The following SCN3A variants were observed in gnomAD, a reference collection of about 807,000 sequenced individuals.
SCN3A encodes the protein sodium voltage-gated channel alpha subunit 3.
Under a neutral mutation model 187.6 loss-of-function variants are expected in SCN3A, and 60 were observed. The ratio of observed to expected loss-of-function variants is 0.32; its 90% CI spans 0.26 to 0.40. The LOEUF is 0.40. Ranked by LOEUF, SCN3A falls within the 10% of genes least tolerant of loss-of-function variation. The pLI is 1.00. For missense variants in SCN3A, 1,601 were observed against 2,428.2 expected (o/e 0.66, Z 7.16); for synonymous variants, 788 against 829.2 (o/e 0.95, Z 0.85).
At chr2:165,167,841 A>G (rs1453715350) in intron 5 of SCN3A, among the ~76,000 whole-genome samples, 4 of 152,142 alleles carry the variant, frequency 2.6e-5, no homozygotes, top group African/African-American at 9.7e-5. Flanking sequence ...CACAACATCC[A>G]CAGAAGTGTT....
intron 13 of SCN3A, 159 bp from the exon 14 acceptor site, chr2:165,139,767 T>TAGA (rs1469623995): frequency 4.4e-6 from 4 of 901,590 alleles, no homozygotes; most frequent in Non-Finnish European, 6.7e-6. Context: ...ACAGTTTTTT[T>TAGA]TTTAAAAAAA....
rs1414797037 is a variant in SCN3A at position 165,131,345 on chromosome 2, C to G, written c.2464G>C (p.Glu822Gln). Reference sequence around the variant, plus strand: ...ATTCCATCAAAGATATTCCAGCCTTCTTGGAAATAGTAATAAGGATCCATG... The same window carrying G: ...ATTCCATCAAAGATATTCCAGCCTTGTTGGAAATAGTAATAAGGATCCATG... ...IAMDPYYYFQ[E>Q]GWNIFDGIIV... Residue 822 changes from glutamate (E) to glutamine (Q), a missense_variant, in exon 16 of 28, where the codon GAA becomes CAA. By Grantham distance (29) the Glu-to-Gln change is conservative. Coordinates refer to ENST00000283254, the MANE Select transcript of SCN3A (RefSeq NM_006922.4). 1 of 1,608,106 alleles carries G rather than the reference C, an allele frequency of 6.2e-7. No individual in the cohort carries two copies. Among genetic ancestry groups the G allele is most frequent in the Non-Finnish European group, 8.5e-7 (1 of 1,176,436 alleles).
chr2:165,190,285 G>A (rs896582055), intron 1 of SCN3A, among the ~76,000 whole-genome samples: 4 of 152,192 alleles, frequency 2.6e-5, no homozygotes, highest in Non-Finnish European at 5.9e-5. Context: ...GATCACCTTC[G>A]TGGTGGTTCA....
At position 165,090,561 on chromosome 2, in the gene SCN3A, AC is replaced by A; in HGVS notation, c.5591del (p.Ser1864MetfsTer32). On this transcript the variant is annotated frameshift_variant, in exon 28 of 28. Coordinates refer to ENST00000283254, the MANE Select transcript of SCN3A (RefSeq NM_006922.4). LOFTEE classifies it high-confidence loss of function. The surrounding 1 kb of genome is among the most constrained non-coding windows in gnomAD (Gnocchi z 4.0). ...FAFTKRVLGESGEMDALRIQM... is the reference protein window; with the variant it reads ...FAFTKRVLGEXGEMDALRIQM... ...GTATTCGAAGGGCATCCATCTCTCCACTCTCACCCAAAACACGCTTTGTAAA... is the reference window on the plus strand; with the variant it reads ...GTATTCGAAGGGCATCCATCTCTCCATCTCACCCAAAACACGCTTTGTAAA... 1 of 1,613,858 alleles carries A rather than the reference AC, an allele frequency of 6.2e-7. No homozygotes were observed. The highest frequency in any genetic ancestry group is 8.5e-7 in the Non-Finnish European group (1 of 1,179,956).
At chr2:165,127,496 T>C in intron 18 of SCN3A, 135 bp downstream of exon 18, 1 of 723,246 alleles carries the variant, frequency 1.4e-6, no homozygotes, top group East Asian at 2.7e-5. Flanking sequence ...ATCTTGTGAT[T>C]TTCCAACATC....
At position 165,193,994 on chromosome 2, in the gene SCN3A, G is replaced by A. The variant is rs1435352407; in HGVS notation, c.-247-7247C>T. Among the ~76,000 whole-genome samples, 3 of 152,108 alleles carry A rather than the reference G, an allele frequency of 2.0e-5. No homozygotes were observed. The East Asian group carries it at 5.8e-4, about 29-fold the overall frequency. Reference sequence around the variant, plus strand: ...CCTTCCCCACTAAGCAGGCCCCTTAGATACACAGTTATAATGTTACACAGT... The same window carrying A: ...CCTTCCCCACTAAGCAGGCCCCTTAAATACACAGTTATAATGTTACACAGT... On this transcript the variant is annotated intron_variant, in intron 1 of 27. Coordinates refer to ENST00000283254, the MANE Select transcript of SCN3A (RefSeq NM_006922.4).
rs34824100 is a variant in SCN3A, at chr2:165,092,894, T to TA, written c.4537-371dup. ...CAACATAGTGAGACCTCATTTCTAT[T>TA]AAAAAAAAATTAGCCTGGTATGGTG... On this transcript the variant is annotated intron_variant, in intron 26 of 27. Transcript: ENST00000283254. The surrounding 1 kb of genome is among the most constrained non-coding windows in gnomAD (Gnocchi z 4.2). 119,099 of 183,006 alleles carry TA rather than the reference T, an allele frequency of 0.65. 39,598 individuals are homozygous for TA. Among genetic ancestry groups the TA allele is most frequent in the African/African-American group, 0.81 (33,495 of 41,208 alleles). The allele number at this position is 183,006 out of a possible 1,614,324, so 11.3% of individuals were successfully genotyped here. A position where few individuals can be genotyped will look rare whatever the true frequency, so the allele number is the denominator to read the frequency against.
chr2:165,120,166 G>A (rs1281538958), intron 18 of SCN3A, among the ~76,000 whole-genome samples: 1 of 152,028 alleles, frequency 6.6e-6, no homozygotes, highest in Non-Finnish European at 1.5e-5. Flanking sequence ...CAGAAGCCCG[G>A]CGCAATGCTG....
At chr2:165,134,055 ATTAAGG>A (rs1206498936) in intron 15 of SCN3A, among the ~76,000 whole-genome samples, 2 of 152,192 alleles carry the variant, frequency 1.3e-5, no homozygotes, top group Non-Finnish European at 2.9e-5. Flanking sequence ...ATGCCTCAGA[ATTAAGG>A]TTAATGGATT....
intron 9 of SCN3A, among the ~76,000 whole-genome samples, chr2:165,156,567 AACAG>A (rs1162662483): frequency 4.7e-5 from 7 of 149,574 alleles, no homozygotes; most frequent in South Asian, 2.1e-4. Flanking sequence ...AAAGCCAGAA[AACAG>A]ACAAAGAGTG....
At chr2:165,104,630 T>C (rs560086590) in intron 21 of SCN3A, among the ~76,000 whole-genome samples, 1 of 149,726 alleles carries the variant, frequency 6.7e-6, no homozygotes, top group East Asian at 1.9e-4. Context: ...AGAAAAAAAA[T>C]TCTGATAAAT....
At chr2:165,156,512 CAAAAAAAAAAAAAAAAAAAAAAAAAAAA>C (rs558407270) in intron 9 of SCN3A, among the ~76,000 whole-genome samples, 4 of 63,706 alleles carry the variant, frequency 6.3e-5, no homozygotes, top group South Asian at 7.9e-4. Context: ...GACTCTGACT[CAAAAAAAAAAAAAAAAAAAAAAAAAAAA>C]AAAAAAAAAA....
chr2:165,191,189 T>C (rs1449812649), intron 1 of SCN3A, among the ~76,000 whole-genome samples: 2 of 151,892 alleles, frequency 1.3e-5, no homozygotes, highest in African/African-American at 4.8e-5. Flanking sequence ...TGCCCTATGG[T>C]GTAATTTCGC....
intron 15 of SCN3A, 87 bp downstream of exon 15, chr2:165,137,792 G>T: frequency 9.7e-7 from 1 of 1,034,820 alleles, no homozygotes; most frequent in Non-Finnish European, 1.5e-6. Flanking sequence ...TAATTTTTGG[G>T]TTCAACACAG....
chr2:165,112,899 A>T lies in SCN3A; in HGVS notation c.3829T>A (p.Phe1277Ile). 6.2e-7 allele frequency: 1 copy of T among 1,613,408 alleles called. No individual in the cohort carries two copies. The highest frequency in any genetic ancestry group is 8.5e-7 in the Non-Finnish European group (1 of 1,179,706). ...AAAATACTTACATCAACGATCAAGAAATCTAGCCAGCACCAGGCATTAGTG... is the reference window on the plus strand; with the variant it reads ...AAAATACTTACATCAACGATCAAGATATCTAGCCAGCACCAGGCATTAGTG... The part of the protein sequence containing the change: ...YFTNAWCWLD[F>I]LIVDVSLVSL... The change falls in exon 21 of 28, where the codon TTC becomes ATC. Residue 1277 changes from phenylalanine (F) to isoleucine (I), a missense_variant. By Grantham distance (21) the Phe-to-Ile change is conservative. This residue lies in a region of SCN3A where 320 missense variants were observed against 623.2 expected (regional missense o/e 0.51). Transcript: ENST00000283254.
chr2:165,168,322 A>C (rs1203238380), intron 5 of SCN3A, among the ~76,000 whole-genome samples: 1 of 152,096 alleles, frequency 6.6e-6, no homozygotes, highest in Non-Finnish European at 1.5e-5. Flanking sequence ...TAAGACATCT[A>C]CTTAATTTAG....
chr2:165,146,380 ATATGTG>A (rs755386006), intron 12 of SCN3A, among the ~76,000 whole-genome samples: 21 of 90,584 alleles, frequency 2.3e-4, no homozygotes, highest in African/African-American at 6.6e-4. Context: ...ATATATATAT[ATATGTG>A]TGTGTGTGTG....
chr2:165,100,188 C>T (rs1685538521), intron 22 of SCN3A, 114 bp downstream of exon 22: 2 of 1,301,818 alleles, frequency 1.5e-6, no homozygotes, highest in Non-Finnish European at 2.2e-6. Context: ...GATTTTTGCT[C>T]TAATTCTGTA....
intron 19 of SCN3A, among the ~76,000 whole-genome samples, chr2:165,114,932 A>ATAGT (rs1686286391): frequency 6.6e-6 from 1 of 152,384 alleles, no homozygotes; most frequent in East Asian, 1.9e-4. Flanking sequence ...CTGTCCAGGA[A>ATAGT]TAGTCACTGC....
Sources: gnomAD v4.1 joint callset for allele counts (sites outside exome capture counted in the v4.1 genomes callset) on GRCh38, gnomAD v4.1.1 for gene constraint, gnomAD v4.1.1 regional missense constraint, Gnocchi (gnomAD v3.1) non-coding constraint, MANE v1.5 for transcripts, NCBI Gene and HGNC (gene_info 2026-07-23, HGNC 2026-07-21) for gene names.